Variants in TMEM117 observed in about 807,000 individuals in gnomAD.
TMEM117 encodes the protein transmembrane protein 117.
A neutral mutation model predicts 52.4 loss-of-function variants in TMEM117; 27 were observed. The ratio of observed to expected loss-of-function variants is 0.51; its 90% CI spans 0.38 to 0.71. TMEM117 has a LOEUF of 0.71. Among genes scored for constraint, TMEM117 ranks in the 30% least tolerant of loss-of-function variants. The probability of loss-of-function intolerance (pLI) is 0.00; values close to 1 mark genes in which losing one functional copy is unlikely to be tolerated. For synonymous variants in TMEM117, 215 were observed against 206.3 expected (o/e 1.04, Z -0.36); for missense variants, 556 against 630.5 (o/e 0.88, Z 1.26).
At chr12:44,174,851 G>A (rs866578177) in intron 4 of TMEM117, among the ~76,000 whole-genome samples, 7 of 152,120 alleles carry the variant, frequency 4.6e-5, no homozygotes, top group Admixed American at 1.3e-4. Context: ...AAAACCTCTC[G>A]AAAAAAGTGG....
chr12:44,114,789 T>G (rs1948108011), intron 3 of TMEM117, among the ~76,000 whole-genome samples: 1 of 152,192 alleles, frequency 6.6e-6, no homozygotes, highest in South Asian at 2.1e-4. Flanking sequence ...ATTATTCTTC[T>G]GTGCGTTTAG....
At chr12:43,873,943 G>T (rs867511178) in intron 2 of TMEM117, among the ~76,000 whole-genome samples, 1 of 151,788 alleles carries the variant, frequency 6.6e-6, no homozygotes, top group South Asian at 2.1e-4. Context: ...TATTATTAAA[G>T]CCAGTGAGTT....
chr12:43,958,218 A>G (rs912975603), intron 3 of TMEM117, among the ~76,000 whole-genome samples: 1 of 152,156 alleles, frequency 6.6e-6, no homozygotes, highest in Non-Finnish European at 1.5e-5. Flanking sequence ...TTATAGACTT[A>G]TTTTCATATT....
chr12:43,905,264 A>G (rs10785462), intron 2 of TMEM117, among the ~76,000 whole-genome samples: 109,106 of 152,212 alleles, frequency 0.72, 42,224 homozygotes, highest in East Asian at 0.87. Context: ...TGCAGTTGCA[A>G]GGCATCAGAT....
At chr12:44,237,269 C>A (rs1027466056) in intron 5 of TMEM117, among the ~76,000 whole-genome samples, 1 of 151,922 alleles carries the variant, frequency 6.6e-6, no homozygotes, top group Admixed American at 6.6e-5. Context: ...TGACAGACGT[C>A]ATTTCTTCAG....
intron 2 of TMEM117, among the ~76,000 whole-genome samples, chr12:43,901,811 G>T (rs1013059526): frequency 6.6e-6 from 1 of 152,116 alleles, no homozygotes; most frequent in Non-Finnish European, 1.5e-5. Context: ...TGTATTCCAT[G>T]AAATTATGAA....
At chr12:44,363,429 G>C (rs932137500) in intron 6 of TMEM117, among the ~76,000 whole-genome samples, 2 of 152,106 alleles carry the variant, frequency 1.3e-5, no homozygotes, top group African/African-American at 4.8e-5. Context: ...AGTAAAGGAA[G>C]ATGTATTTCC....
chr12:44,315,230 T>A (rs965784904), intron 6 of TMEM117, among the ~76,000 whole-genome samples: 1 of 152,194 alleles, frequency 6.6e-6, no homozygotes, highest in African/African-American at 2.4e-5. Context: ...TTTGTATGGA[T>A]TTTGGGGTCT....
At chr12:43,935,275 A>G (rs1219320025) in intron 2 of TMEM117, among the ~76,000 whole-genome samples, 1 of 152,172 alleles carries the variant, frequency 6.6e-6, no homozygotes, top group African/African-American at 2.4e-5. Context: ...TGTTTTTATA[A>G]ACTATAAATT....
chr12:44,343,989 C>G (rs1247817480), intron 6 of TMEM117, among the ~76,000 whole-genome samples: 1 of 151,992 alleles, frequency 6.6e-6, no homozygotes, highest in Non-Finnish European at 1.5e-5. Flanking sequence ...GTAGATCAGA[C>G]AGGTGGGGGC....
chr12:43,822,022 A>C, the TMEM117 span, among the ~76,000 whole-genome samples: 2 of 152,216 alleles, frequency 1.3e-5, no homozygotes, highest in Non-Finnish European at 2.9e-5. Context: ...GAGGAAGCAA[A>C]AGATGATGAG....
intron 7 of TMEM117, among the ~76,000 whole-genome samples, chr12:44,383,191 T>C (rs1417662228): frequency 6.6e-6 from 1 of 152,170 alleles, no homozygotes; most frequent in Non-Finnish European, 1.5e-5. Context: ...TCATCCACAG[T>C]GCTAACTGGC....
At chr12:44,271,751 C>T (rs1487193417) in intron 5 of TMEM117, among the ~76,000 whole-genome samples, 1 of 151,860 alleles carries the variant, frequency 6.6e-6, no homozygotes, top group Non-Finnish European at 1.5e-5. Flanking sequence ...GAGATTACAT[C>T]GAGCTAAAAA....
At chr12:44,257,313 T>C (rs1200029221) in intron 5 of TMEM117, among the ~76,000 whole-genome samples, 1 of 151,926 alleles carries the variant, frequency 6.6e-6, no homozygotes, top group African/African-American at 2.4e-5. Context: ...TCTCACCCTT[T>C]TGACACGTTG....
At chr12:44,071,131 G>A (rs712105) in intron 3 of TMEM117, among the ~76,000 whole-genome samples, 1 of 152,174 alleles carries the variant, frequency 6.6e-6, no homozygotes, top group East Asian at 1.9e-4. Flanking sequence ...ATGGCCCTTT[G>A]TTTTTTAACT....
chr12:44,114,476 A>C (rs942742167), intron 3 of TMEM117, among the ~76,000 whole-genome samples: 1 of 152,180 alleles, frequency 6.6e-6, no homozygotes, highest in Non-Finnish European at 1.5e-5. Context: ...CCCAGATCTC[A>C]AGAGAACCTT....
intron 3 of TMEM117, among the ~76,000 whole-genome samples, chr12:44,017,296 C>G (rs1371823165): frequency 7.0e-6 from 1 of 143,408 alleles, no homozygotes; most frequent in Non-Finnish European, 1.5e-5. Flanking sequence ...CATCACTATG[C>G]CATATCAAGC....
chr12:43,840,582 C>G (rs1380285482), intron 1 of TMEM117, among the ~76,000 whole-genome samples: 1 of 152,154 alleles, frequency 6.6e-6, no homozygotes, highest in African/African-American at 2.4e-5. Flanking sequence ...AATGAGGGAG[C>G]TTCTCTTTGT....
At chr12:44,178,107 T>C (rs1949141243) in intron 4 of TMEM117, among the ~76,000 whole-genome samples, 1 of 152,240 alleles carries the variant, frequency 6.6e-6, no homozygotes. Context: ...TGCTTCCGTA[T>C]CTTGGACACT....
Sources: allele counts gnomAD v4.1 joint callset (sites outside exome capture counted in the v4.1 genomes callset), GRCh38; gene constraint gnomAD v4.1.1; transcripts MANE v1.5; gene names NCBI Gene and HGNC (gene_info 2026-07-23, HGNC 2026-07-21).